Variants in PTPRG observed in about 807,000 individuals in gnomAD.
PTPRG encodes receptor-type tyrosine-protein phosphatase gamma.
PTPRG carries 102 observed loss-of-function variants against 165.3 expected under a neutral mutation model. The observed-to-expected ratio is 0.62, with a 90% CI of 0.53 to 0.73. PTPRG has a LOEUF of 0.73. PTPRG is among the 30% of genes least tolerant of loss of function. The pLI, the probability that PTPRG is intolerant of heterozygous loss-of-function variation, is 0.00. For missense variants in PTPRG, 1,866 were observed against 1,861.4 expected (o/e 1.00, Z -0.05); for synonymous variants, 675 against 669.5 (o/e 1.01, Z -0.13).
chr3:62,265,039 A>G lies in PTPRG; in HGVS notation c.2656+2145A>G, dbSNP rs548656029. ...AGTTTCGATTTGCATGTCCCCAATT[A>G]TTAGTGATGTTGAGCATCTTTTCGT... On this transcript the variant is annotated intron_variant, in intron 17 of 29. Transcript: ENST00000474889. Among the ~76,000 whole-genome samples, 3 of 150,972 alleles carry G rather than the reference A, an allele frequency of 2.0e-5. No individual in the cohort carries two copies. In the South Asian group the frequency reaches 6.3e-4, roughly 32 times the overall value.
At chr3:61,657,455 A>G (rs1702538421) in intron 1 of PTPRG, among the ~76,000 whole-genome samples, 1 of 151,772 alleles carries the variant, frequency 6.6e-6, no homozygotes, top group South Asian at 2.1e-4. Flanking sequence ...CAACATAGCA[A>G]GAGCCCCCGT....
intron 2 of PTPRG, among the ~76,000 whole-genome samples, chr3:61,981,375 C>T (rs966346222): frequency 6.6e-6 from 1 of 152,200 alleles, no homozygotes; most frequent in African/African-American, 2.4e-5. Context: ...CTGGCGTAGG[C>T]CTGGGTTAAC....
chr3:62,004,433 C>G (rs1646739895), intron 4 of PTPRG, among the ~76,000 whole-genome samples: 1 of 152,156 alleles, frequency 6.6e-6, no homozygotes, highest in Non-Finnish European at 1.5e-5. Context: ...ACCTTCAGGC[C>G]TCTCAAAAAA....
intron 2 of PTPRG, among the ~76,000 whole-genome samples, chr3:61,813,602 C>T (rs2035662100): frequency 1.6e-5 from 2 of 121,396 alleles, no homozygotes; most frequent in Non-Finnish European, 3.4e-5. Context: ...TTTAGTTGTA[C>T]TGGCTTATTT....
At position 62,295,993 on chromosome 3, in the gene PTPRG, A is replaced by G. The variant is rs886856740; in HGVS notation, c.*2686A>G. 2.0e-5 allele frequency: 3 copies of G among 152,102 alleles called. No homozygotes were observed. Among genetic ancestry groups the G allele is most frequent in the African/African-American group, 7.2e-5 (3 of 41,446 alleles). 9.4% of individuals were successfully genotyped at this position (152,102 alleles called of 1,614,324 possible). On this transcript the variant is annotated 3_prime_UTR_variant, in exon 30 of 30. Coordinates refer to ENST00000474889, the MANE Select transcript of PTPRG (RefSeq NM_002841.4). ...ATAGCTATTGCAAATTAATGTGTGC[A>G]ACTTAATAAAATAAGCTGTTTGTGT...
chr3:62,169,322 A>G (rs4330246), intron 8 of PTPRG, among the ~76,000 whole-genome samples: 24,587 of 152,098 alleles, frequency 0.16, 2,118 homozygotes, highest in Non-Finnish European at 0.19. Context: ...TAGCAGTCTT[A>G]CTACCATCCA....
Position 61,761,132 on chromosome 3 carries a change from G to A in PTPRG, c.190+12150G>A, listed in dbSNP as rs552573902. On this transcript the variant is annotated intron_variant, in intron 2 of 29. Transcript: ENST00000474889. ...TGTATACCCATTAATGGGATTGCTG[G>A]GTCTAATGGTATTTCTGATTCTAGG... Among the ~76,000 whole-genome samples, 4 of 152,178 alleles carry A rather than the reference G, an allele frequency of 2.6e-5. No homozygotes were observed. In the East Asian group the frequency reaches 7.7e-4, roughly 29 times the overall value.
intron 20 of PTPRG, 123 bp downstream of exon 20, chr3:62,269,292 T>C: frequency 1.9e-6 from 2 of 1,027,810 alleles, no homozygotes; most frequent in Non-Finnish European, 2.7e-6. Context: ...TTAAAACATT[T>C]TTTCATAACT....
intron 1 of PTPRG, among the ~76,000 whole-genome samples, chr3:61,566,736 A>T (rs973819106): frequency 1.3e-5 from 2 of 152,178 alleles, no homozygotes; most frequent in Non-Finnish European, 2.9e-5. Flanking sequence ...TGAACTCCTG[A>T]CCTCAGGTGC....
chr3:62,248,359 A>G (rs1701337463), intron 15 of PTPRG, among the ~76,000 whole-genome samples: 1 of 152,154 alleles, frequency 6.6e-6, no homozygotes, highest in South Asian at 2.1e-4. Context: ...GGGTTTTTCA[A>G]AAGAAAATGT....
At chr3:62,282,566 A>C (rs909534301) in intron 27 of PTPRG, among the ~76,000 whole-genome samples, 161 bp from the exon 28 acceptor site, 11 of 151,208 alleles carry the variant, frequency 7.3e-5, no homozygotes, top group African/African-American at 2.4e-4. Flanking sequence ...AAAAAAAAAA[A>C]CCTTCCTGGT....
chr3:62,039,152 C>T (rs916794945), intron 4 of PTPRG, among the ~76,000 whole-genome samples: 2 of 151,880 alleles, frequency 1.3e-5, no homozygotes, highest in Non-Finnish European at 2.9e-5. Flanking sequence ...CTAGGCTGCT[C>T]TTGAACTCCT....
At chr3:61,825,113 A>C (rs925533721) in intron 2 of PTPRG, among the ~76,000 whole-genome samples, 4 of 152,192 alleles carry the variant, frequency 2.6e-5, no homozygotes, top group Non-Finnish European at 5.9e-5. Context: ...GAAAAGGGTA[A>C]GAATATTCGA....
intron 1 of PTPRG, among the ~76,000 whole-genome samples, chr3:61,663,769 T>C (rs1702732062): frequency 6.6e-6 from 1 of 152,152 alleles, no homozygotes; most frequent in Non-Finnish European, 1.5e-5. Context: ...TAGAGCCTCA[T>C]AAGGAGCGGG....
At chr3:61,697,573 C>T (rs901765866) in intron 1 of PTPRG, among the ~76,000 whole-genome samples, 3 of 152,186 alleles carry the variant, frequency 2.0e-5, no homozygotes, top group Non-Finnish European at 1.5e-5. Context: ...TGAGGGATTA[C>T]CTGGAAGACT....
At chr3:61,613,519 G>A (rs1214534857) in intron 1 of PTPRG, among the ~76,000 whole-genome samples, 1 of 152,160 alleles carries the variant, frequency 6.6e-6, no homozygotes, top group African/African-American at 2.4e-5. Context: ...TTCTCTCAAG[G>A]TTAAATTATC....
chr3:62,072,643 G>C (rs973748157), intron 4 of PTPRG, among the ~76,000 whole-genome samples: 1 of 150,294 alleles, frequency 6.7e-6, no homozygotes, highest in African/African-American at 2.5e-5. Context: ...GTGTGTGTGT[G>C]TGTTTTATGT....
At chr3:61,845,693 G>A (rs1335477030) in intron 2 of PTPRG, among the ~76,000 whole-genome samples, 1 of 152,164 alleles carries the variant, frequency 6.6e-6, no homozygotes, top group East Asian at 1.9e-4. Flanking sequence ...TGCTTTGCAA[G>A]GTGAATCACT....
chr3:62,115,042 G>A (rs1323880191), intron 5 of PTPRG, among the ~76,000 whole-genome samples: 1 of 152,188 alleles, frequency 6.6e-6, no homozygotes, highest in African/African-American at 2.4e-5. Context: ...GGATTCAACT[G>A]ACTGTTGCAA....
Sources: gnomAD v4.1 joint callset for allele counts (sites outside exome capture counted in the v4.1 genomes callset) on GRCh38, gnomAD v4.1.1 for gene constraint, MANE v1.5 for transcripts, NCBI Gene and HGNC (gene_info 2026-07-23, HGNC 2026-07-21) for gene names.